PCP2: variants seen among roughly 807,000 people sequenced by gnomAD.
PCP2 encodes the protein Purkinje cell protein 2 homolog.
Under a neutral mutation model 18.3 loss-of-function variants are expected in PCP2, and 21 were observed. The observed-to-expected ratio is 1.14, with a 90% CI of 0.81 to 1.65. The LOEUF (loss-of-function observed/expected upper bound fraction) is 1.65. PCP2 is among the 40% of genes most tolerant of loss of function. The pLI is 0.00. For missense variants in PCP2, 202 were observed against 201.8 expected (o/e 1.00, Z 0.00); for synonymous variants, 85 against 77.6 (o/e 1.10, Z -0.50).
rs1599380858 is a variant in PCP2, at chr19:7,632,831, C to G, written c.52-1G>C. ...AGCCCTCCTGGTCTGGGGAGCCCGC[C>G]TGGGGACAGACTCGCTCAGTCTGGT... On this transcript the variant is annotated splice_acceptor_variant, in intron 1 of 3. Transcript: ENST00000311069. LOFTEE classifies it high-confidence loss of function. The surrounding 1 kb of genome is among the most constrained non-coding windows in gnomAD (Gnocchi z 5.2). 3.9e-6 allele frequency: 6 copies of G among 1,548,330 alleles called. No individual in the cohort carries two copies. The highest frequency in any genetic ancestry group is 5.2e-6 in the Non-Finnish European group (6 of 1,148,886).
chr19:7,631,834 G>T, intron 3 of PCP2, 26 bp from the exon 4 acceptor site: 1 of 1,384,308 alleles, frequency 7.2e-7, no homozygotes. Flanking sequence ...GGTCAGCCAG[G>T]GGGAGGGCTC....
upstream of PCP2, among the ~76,000 whole-genome samples, chr19:7,635,959 C>T (rs527768308): frequency 3.3e-4 from 51 of 152,272 alleles, no homozygotes; most frequent in South Asian, 0.01. Flanking sequence ...CCCTTCTCTA[C>T]CTGGACATGC....
Position 7,632,876 on chromosome 19 carries a change from C to T in PCP2, c.52-46G>A. ...TCTGGTTGGCCCTTCAGCTTGGGGG[C>T]CCCTCCCCAAACTTCCTAGCCAGCT... On this transcript the variant is annotated intron_variant, in intron 1 of 3. Transcript: ENST00000311069. The surrounding 1 kb of genome is among the most constrained non-coding windows in gnomAD (Gnocchi z 5.2). The T allele has an allele frequency of 6.5e-7, 1 of 1,533,240 alleles. No homozygotes were observed. The highest frequency in any genetic ancestry group is 8.8e-7 in the Non-Finnish European group (1 of 1,142,264). 95.0% of individuals were successfully genotyped at this position (1,533,240 alleles called of 1,614,324 possible).
chr19:7,633,297 G>A, intron 1 of PCP2, 110 bp downstream of exon 1: 1 of 1,129,830 alleles, frequency 8.9e-7, no homozygotes, highest in Non-Finnish European at 1.3e-6. Flanking sequence ...AACTGGGTCA[G>A]GGGGTCCTAG....
Position 7,632,298 on chromosome 19 carries a change from G to T in PCP2, c.291+95C>A. Reference sequence around the variant, plus strand: ...TCAGGGCAGCGGATGGACAGAGATGGGGCAGGCCCTGTTCCCTCCTGGCTG... The same window carrying T: ...TCAGGGCAGCGGATGGACAGAGATGTGGCAGGCCCTGTTCCCTCCTGGCTG... On this transcript the variant is annotated intron_variant, in intron 3 of 3. Coordinates refer to ENST00000311069, the MANE Select transcript of PCP2 (RefSeq NM_174895.3). This position sits in a 1 kb window ranked among gnomAD's most constrained non-coding sequence, Gnocchi z 5.2. 1 of 1,549,628 alleles carries T rather than the reference G, an allele frequency of 6.5e-7. No individual in the cohort carries two copies. The highest frequency in any genetic ancestry group is 8.8e-7 in the Non-Finnish European group (1 of 1,142,742).
rs1445453897 is a variant in PCP2 at position 7,632,541 on chromosome 19, G to A, written c.167-24C>T. 1 of 1,610,658 alleles carries A rather than the reference G, an allele frequency of 6.2e-7. No individual in the cohort carries two copies. The highest frequency in any genetic ancestry group is 8.5e-7 in the Non-Finnish European group (1 of 1,178,984). On this transcript the variant is annotated intron_variant, in intron 2 of 3. Transcript: ENST00000311069. This position sits in a 1 kb window ranked among gnomAD's most constrained non-coding sequence, Gnocchi z 5.2. Reference sequence around the variant, plus strand: ...CTCTGCGTGGACGTTCACAGACTTGGGAGGACACAGCCGGAGTGGGGGCCC... The same window carrying A: ...CTCTGCGTGGACGTTCACAGACTTGAGAGGACACAGCCGGAGTGGGGGCCC...
At chr19:7,633,116 C>G in intron 1 of PCP2, 1 of 1,007,042 alleles carries the variant, frequency 9.9e-7, no homozygotes, top group East Asian at 2.6e-5. Flanking sequence ...TAGATTGGGG[C>G]CTGATGAGTG....
Position 7,631,998 on chromosome 19 carries a change from G to A in PCP2, c.292-190C>T, listed in dbSNP as rs189256937. ...TGAGGTGGCAGGTCTTGGGGCCCTC[G>A]CTGGGATCTTGATCAGAACCCAAGC... On this transcript the variant is annotated intron_variant, in intron 3 of 3. Coordinates refer to ENST00000311069, the MANE Select transcript of PCP2 (RefSeq NM_174895.3). 144 of 525,632 alleles carry A rather than the reference G, an allele frequency of 2.7e-4. No homozygotes were observed. In the East Asian group the frequency reaches 3.9e-3, roughly 14 times the overall value. The allele number at this position is 525,632 out of a possible 1,614,324, so 32.6% of individuals were successfully genotyped here. A position where few individuals can be genotyped will look rare whatever the true frequency, so the allele number is the denominator to read the frequency against.
At chr19:7,633,001 AG>A in intron 1 of PCP2, 171 bp from the exon 2 acceptor site, 1 of 678,256 alleles carries the variant, frequency 1.5e-6, no homozygotes, top group Non-Finnish European at 2.0e-6. Flanking sequence ...ATGAGACATG[AG>A]TCTCCTTCCC....
At chr19:7,634,924 C>T (rs1196544331), upstream of PCP2, among the ~76,000 whole-genome samples, 1 of 152,182 alleles carries the variant, frequency 6.6e-6, no homozygotes, top group Admixed American at 6.5e-5. Flanking sequence ...TTCCCCACCC[C>T]CCCAACCACC....
upstream of PCP2, chr19:7,636,929 A>C (rs115448382): frequency 4.5e-3 from 1,828 of 403,500 alleles, 27 homozygotes; most frequent in African/African-American, 0.031. Context: ...CGAGGTGTGC[A>C]CCTCCAGCGA....
At chr19:7,636,239 C>T (rs2031528112), upstream of PCP2, 1 of 152,156 alleles carries the variant, frequency 6.6e-6, no homozygotes, top group Non-Finnish European at 1.5e-5. Context: ...CAGCTCAGAC[C>T]AGCAAGAGTC....
chr19:7,631,944 T>TGGCAG, intron 3 of PCP2, 136 bp from the exon 4 acceptor site: 1 of 898,958 alleles, frequency 1.1e-6, no homozygotes, highest in Non-Finnish European at 1.5e-6. Flanking sequence ...TTACCCTCAA[T>TGGCAG]ATCTGCCATT....
At position 7,632,277 on chromosome 19, in the gene PCP2, G is replaced by A. The variant is rs1483184093; in HGVS notation, c.291+116C>T. 2.0e-6 allele frequency: 3 copies of A among 1,477,356 alleles called. No individual in the cohort carries two copies. Among genetic ancestry groups the A allele is most frequent in the Non-Finnish European group, 1.8e-6 (2 of 1,089,210 alleles). The allele number at this position is 1,477,356 out of a possible 1,614,324, so 91.5% of individuals were successfully genotyped here. A position where few individuals can be genotyped will look rare whatever the true frequency, so the allele number is the denominator to read the frequency against. On this transcript the variant is annotated intron_variant, in intron 3 of 3. Coordinates refer to ENST00000311069, the MANE Select transcript of PCP2 (RefSeq NM_174895.3). This position sits in a 1 kb window ranked among gnomAD's most constrained non-coding sequence, Gnocchi z 5.2. The stretch of plus-strand genomic sequence containing the variant: ...CCTTGGTCCTCCCATCTGAAGTCAG[G>A]GCAGCGGATGGACAGAGATGGGGCA...
chr19:7,636,134 A>G (rs2031522275), upstream of PCP2: 2 of 151,924 alleles, frequency 1.3e-5, no homozygotes, highest in Admixed American at 6.6e-5. Flanking sequence ...ATCCTTTCCT[A>G]TCTCCCCCAG....
rs112690068 is a variant in PCP2, at chr19:7,631,915, T to C, written c.292-107A>G. Reference sequence around the variant, plus strand: ...AGGTAGCCACCGTGTCCCACCTCATTGTGAGCACTGGTCTATGTTTACCCT... The same window carrying C: ...AGGTAGCCACCGTGTCCCACCTCATCGTGAGCACTGGTCTATGTTTACCCT... On this transcript the variant is annotated intron_variant, in intron 3 of 3. Coordinates refer to ENST00000311069, the MANE Select transcript of PCP2 (RefSeq NM_174895.3). 0.012 allele frequency: 13,029 copies of C among 1,119,586 alleles called. 512 individuals are homozygous for C. In the Admixed American group the frequency reaches 0.14, roughly 12 times the overall value. 69.4% of individuals were successfully genotyped at this position (1,119,586 alleles called of 1,614,324 possible).
In PCP2 at chr19:7,632,644, C is replaced by G; in HGVS notation, c.166+72G>C. On this transcript the variant is annotated intron_variant, in intron 2 of 3. Coordinates refer to ENST00000311069, the MANE Select transcript of PCP2 (RefSeq NM_174895.3). The surrounding 1 kb of genome is among the most constrained non-coding windows in gnomAD (Gnocchi z 5.2). ...CCCACATCCCGTGCCCCCAGGCCCT[C>G]CAGATGACCACTTGCCCTGCACTCC... 6.4e-7 allele frequency: 1 copy of G among 1,565,400 alleles called. No homozygotes were observed. The highest frequency in any genetic ancestry group is 1.1e-5 in the South Asian group (1 of 88,082).
chr19:7,631,969 AGT>A, intron 3 of PCP2, 161 bp from the exon 4 acceptor site: 1 of 715,822 alleles, frequency 1.4e-6, no homozygotes, highest in Non-Finnish European at 2.0e-6. Flanking sequence ...GTGGCATTTG[AGT>A]GTGAGGTGGC....
rs2031369758 is a variant in PCP2 at position 7,632,638 on chromosome 19, G to C, written c.166+78C>G. The C allele has an allele frequency of 6.4e-7, 1 of 1,571,294 alleles. No homozygotes were observed. Among genetic ancestry groups the C allele is most frequent in the South Asian group, 1.1e-5 (1 of 88,662 alleles). On this transcript the variant is annotated intron_variant, in intron 2 of 3. Transcript: ENST00000311069. The surrounding 1 kb of genome is among the most constrained non-coding windows in gnomAD (Gnocchi z 5.2). ...CCACCTCCCACATCCCGTGCCCCCAGGCCCTCCAGATGACCACTTGCCCTG... is the reference window on the plus strand; with the variant it reads ...CCACCTCCCACATCCCGTGCCCCCACGCCCTCCAGATGACCACTTGCCCTG...
Sources: allele counts gnomAD v4.1 joint callset (sites outside exome capture counted in the v4.1 genomes callset), GRCh38; gene constraint gnomAD v4.1.1; non-coding constraint Gnocchi (gnomAD v3.1); transcripts MANE v1.5; gene names NCBI Gene and HGNC (gene_info 2026-07-23, HGNC 2026-07-21).